KDM5A: variants seen among roughly 807,000 people sequenced by gnomAD.
KDM5A encodes the protein lysine demethylase 5A.
KDM5A carries 42 observed loss-of-function variants against 193.5 expected under a neutral mutation model. The ratio of observed to expected loss-of-function variants is 0.22; its 90% CI spans 0.17 to 0.28. KDM5A has a LOEUF of 0.28. Ranked by LOEUF, KDM5A falls within the 10% of genes least tolerant of loss-of-function variation. The probability of loss-of-function intolerance (pLI) is 1.00; values close to 1 mark genes in which losing one functional copy is unlikely to be tolerated. For missense variants in KDM5A, 1,692 were observed against 2,055.1 expected, an observed-to-expected ratio of 0.82 and a Z score of 3.42; for synonymous variants, 796 against 718.1, an observed-to-expected ratio of 1.11 and a Z score of -1.73.
intron 22 of KDM5A, among the ~76,000 whole-genome samples, chr12:308,563 G>A (rs534634149): frequency 9.2e-5 from 14 of 152,112 alleles, no homozygotes; most frequent in African/African-American, 3.1e-4. Context: ...AAAACTTGAC[G>A]ATCAGTTGTA....
chr12:298,186 C>T (rs564904937), intron 24 of KDM5A, among the ~76,000 whole-genome samples: 44 of 152,308 alleles, frequency 2.9e-4, no homozygotes, highest in African/African-American at 8.9e-4. Flanking sequence ...GCACAGCATT[C>T]GAGCTCTGAT....
intron 19 of KDM5A, 101 bp downstream of exon 19, chr12:318,005 A>T (rs1383633579): frequency 5.3e-6 from 5 of 940,316 alleles, no homozygotes; most frequent in Non-Finnish European, 8.5e-6. Flanking sequence ...AACGCAAAAA[A>T]AAAAAAAGTC....
intron 19 of KDM5A, among the ~76,000 whole-genome samples, chr12:314,598 C>T (rs1943627796): frequency 6.6e-6 from 1 of 152,282 alleles, no homozygotes; most frequent in Non-Finnish European, 1.5e-5. Context: ...GGAATACATA[C>T]TAGGAGAACC....
At chr12:327,993 G>A (rs1359316197) in intron 14 of KDM5A, among the ~76,000 whole-genome samples, 4 of 151,958 alleles carry the variant, frequency 2.6e-5, no homozygotes, top group Non-Finnish European at 4.4e-5. Context: ...CAGCCTGGGC[G>A]ACAGAGAGAG....
chr12:381,145 C>T (rs1020546940), intron 3 of KDM5A, among the ~76,000 whole-genome samples: 6 of 152,190 alleles, frequency 3.9e-5, no homozygotes, highest in Admixed American at 3.3e-4. Flanking sequence ...CAGGCATGTG[C>T]CACCACGTCC....
At position 388,982 on chromosome 12, in the gene KDM5A, C is replaced by A. The variant is rs770653407; in HGVS notation, c.110G>T (p.Gly37Val). 2 of 1,614,058 alleles carry A rather than the reference C, an allele frequency of 1.2e-6. No individual in the cohort carries two copies. Among genetic ancestry groups the A allele is most frequent in the East Asian group, 2.2e-5 (1 of 44,880 alleles). The change falls in exon 1 of 28, where the codon GGC (glycine) becomes GTC (valine). Residue 37 changes from glycine (G) to valine (V), a missense_variant. By Grantham distance (109) the Gly-to-Val change is moderately radical. Transcript: ENST00000399788. Reference protein sequence around the residue: ...EEFTDPLSFIGRIRPLAEKTG... With the variant: ...EEFTDPLSFIVRIRPLAEKTG... ...TTTCTCCGCCAAAGGCCGGATGCGG[C>A]CGATAAAGCTGAGCGGATCTGTGAA...
At chr12:289,404 CATTAATTTAATA>C (rs1009199020) in intron 27 of KDM5A, among the ~76,000 whole-genome samples, 1 of 152,008 alleles carries the variant, frequency 6.6e-6, no homozygotes, top group African/African-American at 2.4e-5. Flanking sequence ...TTTAGCTTGA[CATTAATTTAATA>C]ATCAAAGGAA....
At chr12:294,344 T>C (rs1943342578) in intron 26 of KDM5A, among the ~76,000 whole-genome samples, 2 of 152,182 alleles carry the variant, frequency 1.3e-5, no homozygotes, top group Non-Finnish European at 2.9e-5. Context: ...AACATAAACC[T>C]AATAATTCCC....
intron 3 of KDM5A, among the ~76,000 whole-genome samples, chr12:371,332 A>T (rs1944425097): frequency 6.6e-6 from 1 of 152,036 alleles, no homozygotes; most frequent in Admixed American, 6.5e-5. Context: ...ATGGTATCTC[A>T]TTGTGGTTTT....
rs1943182637 is a variant in KDM5A, at chr12:283,750, A to C, written c.*1706T>G. 2 of 233,052 alleles carry C rather than the reference A, an allele frequency of 8.6e-6. No individual in the cohort carries two copies. Among genetic ancestry groups the C allele is most frequent in the Non-Finnish European group, 1.7e-5 (2 of 117,920 alleles). The allele number at this position is 233,052 out of a possible 1,614,324, so 14.4% of individuals were successfully genotyped here. A position where few individuals can be genotyped will look rare whatever the true frequency, so the allele number is the denominator to read the frequency against. ...AACTGATGAATTTAAGTCAAACCAC[A>C]GATTTTTTTAAACCAAAATAAAGAC... On this transcript the variant is annotated 3_prime_UTR_variant, in exon 28 of 28. Coordinates refer to ENST00000399788, the MANE Select transcript of KDM5A (RefSeq NM_001042603.3).
In KDM5A at chr12:283,397, G is replaced by A. The variant is rs1487643285; in HGVS notation, c.*2059C>T. The stretch of plus-strand genomic sequence containing the variant: ...GATCATACACAAACTTACTTCAGAT[G>A]AGACCTCAAGACATATGCACAGCAA... On this transcript the variant is annotated 3_prime_UTR_variant, in exon 28 of 28. Transcript: ENST00000399788. 3.9e-5 allele frequency: 9 copies of A among 232,730 alleles called. No homozygotes were observed. The highest frequency in any genetic ancestry group is 1.5e-4 in the African/African-American group (7 of 45,306). 14.4% of individuals were successfully genotyped at this position (232,730 alleles called of 1,614,324 possible).
intron 18 of KDM5A, among the ~76,000 whole-genome samples, chr12:319,230 C>A (rs1248594903): frequency 6.6e-6 from 1 of 152,000 alleles, no homozygotes; most frequent in South Asian, 2.1e-4. Flanking sequence ...ATTCTGGCTA[C>A]CAAACAAAAA....
intron 8 of KDM5A, among the ~76,000 whole-genome samples, chr12:352,864 A>C (rs1288071319): frequency 6.6e-6 from 1 of 152,208 alleles, no homozygotes; most frequent in Non-Finnish European, 1.5e-5. Context: ...ATAAGTGATA[A>C]TTCAAAGGCC....
At chr12:326,590 G>A (rs1306380605) in intron 14 of KDM5A, among the ~76,000 whole-genome samples, 3 of 152,186 alleles carry the variant, frequency 2.0e-5, no homozygotes, top group African/African-American at 7.2e-5. Flanking sequence ...GGCCGGGCAC[G>A]GCGGCTCACG....
intron 7 of KDM5A, among the ~76,000 whole-genome samples, chr12:354,568 C>A (rs147434693): frequency 1.3e-5 from 2 of 152,102 alleles, no homozygotes; most frequent in African/African-American, 4.8e-5. Context: ...GAGATTGAGA[C>A]CATCCTGGCT....
rs1591910866 is a variant in KDM5A, at chr12:318,903, G to A, written c.2542-442C>T. On this transcript the variant is annotated intron_variant, in intron 18 of 27. Coordinates refer to ENST00000399788, the MANE Select transcript of KDM5A (RefSeq NM_001042603.3). ...AGAGTGGGGAAGGGCATATTACTTAGTAATGTCATTGGTAGTCACAGAAGA... is the reference window on the plus strand; with the variant it reads ...AGAGTGGGGAAGGGCATATTACTTAATAATGTCATTGGTAGTCACAGAAGA... Among the ~76,000 whole-genome samples, 4 of 152,336 alleles carry A rather than the reference G, an allele frequency of 2.6e-5. 1 individual carries two copies. Among genetic ancestry groups the A allele is most frequent in the Admixed American group, 2.6e-4 (4 of 15,296 alleles).
In KDM5A at chr12:363,029, T is replaced by C. The variant is rs1198699052; in HGVS notation, c.606A>G (p.Gln202=). ...TCCTTGTGCCTGGCTCTGGGGAAGT[T>C]TGGGTATCAGTGCTGAGAACCTCAG... The part of the protein sequence containing the change: ...VEPEVLSTDT[Q]TSPEPGTRMN... Residue 202 remains glutamine, a synonymous_variant, in exon 5 of 28, where the codon CAA becomes CAG. Transcript: ENST00000399788. The C allele has an allele frequency of 4.3e-6, 7 of 1,614,150 alleles. No individual in the cohort carries two copies. The highest frequency in any genetic ancestry group is 1.6e-4 in the Middle Eastern group (1 of 6,062).
chr12:296,691 G>C (rs1246924315), intron 25 of KDM5A, among the ~76,000 whole-genome samples: 1 of 152,116 alleles, frequency 6.6e-6, no homozygotes, highest in Non-Finnish European at 1.5e-5. Context: ...CCCAAAACCA[G>C]AATAAATATG....
intron 26 of KDM5A, among the ~76,000 whole-genome samples, chr12:294,286 CAG>C (rs113240505): frequency 0.04 from 6,004 of 151,898 alleles, 376 homozygotes; most frequent in African/African-American, 0.13. Flanking sequence ...TATCTAGTAA[CAG>C]AAAGAACAGG....
Sources: allele counts gnomAD v4.1 joint callset (sites outside exome capture counted in the v4.1 genomes callset), GRCh38; gene constraint gnomAD v4.1.1; transcripts MANE v1.5; gene names NCBI Gene and HGNC (gene_info 2026-07-23, HGNC 2026-07-21).